Variants in EFCAB14 observed in about 807,000 individuals in gnomAD.
The protein encoded by EFCAB14 is EF-hand calcium binding domain 14, also known as EF-hand calcium-binding domain-containing protein 14.
EFCAB14 carries 43 observed loss-of-function variants against 56.5 expected under a neutral mutation model. The ratio of observed to expected loss-of-function variants is 0.76; its 90% confidence interval spans 0.60 to 0.98. The LOEUF (loss-of-function observed/expected upper bound fraction) is 0.98. Ranked by LOEUF, EFCAB14 falls within the 50% of genes least tolerant of loss-of-function variation. The probability of loss-of-function intolerance (pLI) is 0.00; values close to 1 mark genes in which losing one functional copy is unlikely to be tolerated. For synonymous variants in EFCAB14, 235 were observed against 212.9 expected, an observed-to-expected ratio of 1.10 and a Z score of -0.90; for missense variants, 538 against 580.3, an observed-to-expected ratio of 0.93 and a Z score of 0.75.
At chr1:46,688,112 C>T (rs115059478) in intron 7 of EFCAB14, among the ~76,000 whole-genome samples, 1,806 of 152,232 alleles carry the variant, frequency 0.012, 33 homozygotes, top group African/African-American at 0.042. Flanking sequence ...AGTGGTGAGG[C>T]CTTGGTAAGC....
At position 46,718,076 on chromosome 1, in the gene EFCAB14, G is replaced by T. The variant is rs771674178; in HGVS notation, c.12C>A (p.Arg4=). The change falls in exon 1 of 11, where the codon CGC becomes CGA. Residue 4 remains arginine (R), a synonymous_variant. Transcript: ENST00000371933. MKK[R]KELNALIGLA... is the part of the protein sequence containing the mutation. ...AACCAATCAATGCATTGAGCTCTTT[G>T]CGCTTTTTCATCTTTTTGTGTGGGG... 5 of 1,613,916 alleles carry T rather than the reference G, an allele frequency of 3.1e-6. No individual in the cohort carries two copies. Among genetic ancestry groups the T allele is most frequent in the Non-Finnish European group, 4.2e-6 (5 of 1,179,906 alleles).
chr1:46,703,604 A>T (rs72900715), intron 3 of EFCAB14, among the ~76,000 whole-genome samples: 15,252 of 152,204 alleles, frequency 0.1, 2,013 homozygotes, highest in East Asian at 0.39. Context: ...GTCTCCCTGC[A>T]CTTTGGAACA....
intron 3 of EFCAB14, 58 bp downstream of exon 3, chr1:46,707,848 T>C: frequency 1.3e-6 from 2 of 1,556,212 alleles, no homozygotes; most frequent in Admixed American, 1.8e-5. Context: ...ATCCTATTCA[T>C]ACTAAACAAC....
intron 2 of EFCAB14, among the ~76,000 whole-genome samples, chr1:46,714,433 A>C (rs1283621609): frequency 6.9e-6 from 1 of 145,784 alleles, no homozygotes; most frequent in African/African-American, 2.8e-5. Flanking sequence ...TGTTGCTAAA[A>C]AAAAAAAAAA....
At chr1:46,684,995 T>C (rs1429460680) in intron 8 of EFCAB14, 1 of 164,520 alleles carries the variant, frequency 6.1e-6, no homozygotes, top group Non-Finnish European at 1.3e-5. Context: ...TTCCGAAATA[T>C]CTTGCTTCAC....
intron 3 of EFCAB14, among the ~76,000 whole-genome samples, chr1:46,697,227 C>T (rs1171623453): frequency 2.6e-5 from 4 of 152,148 alleles, no homozygotes; most frequent in Non-Finnish European, 4.4e-5. Context: ...ATAGCTCTAC[C>T]AGAGCACTAC....
Position 46,718,048 on chromosome 1 carries a change from C to T in EFCAB14, c.40G>A (p.Ala14Thr), listed in dbSNP as rs753291752. The change falls in exon 1 of 11, where the codon GCT (alanine) becomes ACT (threonine). Residue 14 changes from alanine (A) to threonine (T), a missense_variant. Coordinates refer to ENST00000371933, the MANE Select transcript of EFCAB14 (RefSeq NM_014774.3). ...RKELNALIGL[A>T]GDSRRKKPKK... ...GGCTTCTTTCTCCGGCTGTCCCCAG[C>T]CAAACCAATCAATGCATTGAGCTCT... 6 of 1,614,192 alleles carry T rather than the reference C, an allele frequency of 3.7e-6. No individual in the cohort carries two copies. The highest frequency in any genetic ancestry group is 5.1e-6 in the Non-Finnish European group (6 of 1,180,026).
intron 2 of EFCAB14, among the ~76,000 whole-genome samples, chr1:46,715,870 T>A (rs1266688363): frequency 2.0e-5 from 3 of 152,114 alleles, no homozygotes; most frequent in African/African-American, 7.2e-5. Context: ...GTATAATTGC[T>A]TCACTAGAAT....
rs1460170327 is a variant in EFCAB14 at position 46,677,437 on chromosome 1, G to T, written c.*1024C>A. ...CTCTAGGTAAAATCTCAAGGGGTAT[G>T]GTTTTCTGGGTCAAAATTAGAAGCA... On this transcript the variant is annotated 3_prime_UTR_variant, in exon 11 of 11. Coordinates refer to ENST00000371933, the MANE Select transcript of EFCAB14 (RefSeq NM_014774.3). The T allele has an allele frequency of 4.6e-5, 7 of 152,206 alleles. No individual in the cohort carries two copies. In the East Asian group the frequency reaches 1.4e-3, roughly 29 times the overall value. The allele number at this position is 152,206 out of a possible 1,614,324, so 9.4% of individuals were successfully genotyped here. A position where few individuals can be genotyped will look rare whatever the true frequency, so the allele number is the denominator to read the frequency against.
intron 2 of EFCAB14, among the ~76,000 whole-genome samples, chr1:46,713,002 A>G (rs1370770092): frequency 1.3e-5 from 2 of 152,144 alleles, no homozygotes; most frequent in Non-Finnish European, 2.9e-5. Context: ...TAACAAGAGC[A>G]AAACTCCATC....
chr1:46,710,070 G>A (rs1677286823), intron 2 of EFCAB14, among the ~76,000 whole-genome samples: 1 of 152,114 alleles, frequency 6.6e-6, no homozygotes, highest in African/African-American at 2.4e-5. Context: ...GAGGAGTGAT[G>A]GTGGTATCCT....
intron 8 of EFCAB14, among the ~76,000 whole-genome samples, chr1:46,685,625 C>A (rs896627582): frequency 2.6e-5 from 4 of 151,920 alleles, no homozygotes; most frequent in South Asian, 4.2e-4. Flanking sequence ...TGATACCCTG[C>A]GATGACAGTT....
intron 2 of EFCAB14, among the ~76,000 whole-genome samples, chr1:46,714,366 G>A (rs967072012): frequency 6.7e-6 from 1 of 149,648 alleles, no homozygotes; most frequent in African/African-American, 2.5e-5. Flanking sequence ...TGATTAAGTT[G>A]AAACTGGTTC....
At chr1:46,698,354 T>C (rs1677105876) in intron 3 of EFCAB14, among the ~76,000 whole-genome samples, 1 of 152,134 alleles carries the variant, frequency 6.6e-6, no homozygotes, top group African/African-American at 2.4e-5. Flanking sequence ...ACCCTATTAT[T>C]CACCACTGGT....
rs539027366 is a variant in EFCAB14, at chr1:46,697,153, C to T, written c.481-504G>A. Among the ~76,000 whole-genome samples the T allele has an allele frequency of 3.3e-5, 5 of 152,318 alleles. No homozygotes were observed. The East Asian group carries it at 9.6e-4, about 29-fold the overall frequency. On this transcript the variant is annotated intron_variant, in intron 3 of 10. Coordinates refer to ENST00000371933, the MANE Select transcript of EFCAB14 (RefSeq NM_014774.3). ...AGGAACTGCACTCTGACAATTTGAA[C>T]AGCACTTTCAACTACTTGGGGATTT...
chr1:46,691,164 C>T (rs1353837231), intron 5 of EFCAB14, among the ~76,000 whole-genome samples: 9 of 152,182 alleles, frequency 5.9e-5, no homozygotes, highest in African/African-American at 2.2e-4. Context: ...AAAACAATTC[C>T]TAGGCACTGC....
intron 3 of EFCAB14, among the ~76,000 whole-genome samples, chr1:46,699,240 T>G (rs1677119150): frequency 6.6e-6 from 1 of 152,230 alleles, no homozygotes. Context: ...AATTGGACTC[T>G]GACAGAGAAG....
Position 46,718,197 on chromosome 1 carries a change from C to T in EFCAB14, c.-110G>A. On this transcript the variant is annotated 5_prime_UTR_variant, in exon 1 of 11. Coordinates refer to ENST00000371933, the MANE Select transcript of EFCAB14 (RefSeq NM_014774.3). ...GCCTTCCAGGGTTGGGAATCCTGGG[C>T]CAGAGCCCCCTGGTCACTCCCACCT... The T allele has an allele frequency of 8.4e-7, 1 of 1,184,882 alleles. No individual in the cohort carries two copies. Among genetic ancestry groups the T allele is most frequent in the South Asian group, 1.5e-5 (1 of 68,212 alleles). The allele number at this position is 1,184,882 out of a possible 1,614,324, so 73.4% of individuals were successfully genotyped here. A position where few individuals can be genotyped will look rare whatever the true frequency, so the allele number is the denominator to read the frequency against.
chr1:46,696,358 C>A lies in EFCAB14; in HGVS notation c.579+193G>T, dbSNP rs150210388. Among the ~76,000 whole-genome samples, 643 of 152,294 alleles carry A rather than the reference C, an allele frequency of 4.2e-3. 1 individual carries two copies. Among genetic ancestry groups the A allele is most frequent in the African/African-American group, 0.014 (591 of 41,568 alleles). ...AACCTGTTGCAAATTAAAGGCCTAA[C>A]TAACCAGACCAAAACAAAATTGTTC... On this transcript the variant is annotated intron_variant, in intron 4 of 10. Transcript: ENST00000371933.
Sources: allele counts gnomAD v4.1 joint callset (sites outside exome capture counted in the v4.1 genomes callset), GRCh38; gene constraint gnomAD v4.1.1; transcripts MANE v1.5; gene names NCBI Gene and HGNC (gene_info 2026-07-23, HGNC 2026-07-21).